Variants in SLC12A1 observed in about 807,000 individuals in gnomAD.
SLC12A1 encodes the protein solute carrier family 12 member 1.
Under a neutral mutation model 130.4 loss-of-function variants are expected in SLC12A1, and 89 were observed. The observed-to-expected ratio is 0.68, with a 90% CI of 0.58 to 0.81. SLC12A1 has a LOEUF of 0.81. Ranked by LOEUF, SLC12A1 falls within the 40% of genes least tolerant of loss-of-function variation. SLC12A1 has a pLI of 0.00. For synonymous variants in SLC12A1, 499 were observed against 460.0 expected (o/e 1.08, Z -1.09); for missense variants, 1,310 against 1,336.4 (o/e 0.98, Z 0.31).
intron 4 of SLC12A1, chr15:48,221,210 G>A: frequency 1.5e-6 from 1 of 662,744 alleles, no homozygotes. Context: ...TGCCAAACAG[G>A]TGAATGCTCA....
In SLC12A1 at chr15:48,258,188, C is replaced by T. The variant is rs1169618492; in HGVS notation, c.2043-1012C>T. On this transcript the variant is annotated intron_variant, in intron 16 of 26. Coordinates refer to ENST00000380993, the MANE Select transcript of SLC12A1 (RefSeq NM_000338.3). ...CATCCCGGCTAAAACGGTGAAACCC[C>T]GTCTCTACTAAAAATACAAAAAATT... 5.7e-5 allele frequency among the ~76,000 whole-genome samples: 5 copies of T among 87,032 alleles called. 1 individual carries two copies. Among genetic ancestry groups the T allele is most frequent in the African/African-American group, 2.3e-4 (2 of 8,678 alleles). 57.1% of individuals were successfully genotyped at this position (87,032 alleles called of 152,430 possible). A position where few individuals can be genotyped will look rare whatever the true frequency, so the allele number is the denominator to read the frequency against.
At chr15:48,255,938 T>C in intron 16 of SLC12A1, 28 bp downstream of exon 16, 1 of 1,413,790 alleles carries the variant, frequency 7.1e-7, no homozygotes, top group Non-Finnish European at 9.8e-7. Flanking sequence ...GGCATCCTGG[T>C]GTTTTTCCAC....
chr15:48,282,208 C>T (rs2042014918), intron 20 of SLC12A1, among the ~76,000 whole-genome samples: 1 of 152,150 alleles, frequency 6.6e-6, no homozygotes, highest in African/African-American at 2.4e-5. Flanking sequence ...AGAATAAATA[C>T]TCTCTGTAAT....
At chr15:48,274,950 C>A (rs1011017861) in intron 20 of SLC12A1, among the ~76,000 whole-genome samples, 7 of 152,142 alleles carry the variant, frequency 4.6e-5, no homozygotes, top group East Asian at 1.9e-4. Context: ...GGTAAAATAA[C>A]CTGCCAAATT....
At chr15:48,209,551 TGAG>T (rs2041027098) in intron 2 of SLC12A1, among the ~76,000 whole-genome samples, 1 of 152,224 alleles carries the variant, frequency 6.6e-6, no homozygotes, top group Non-Finnish European at 1.5e-5. Context: ...GCCCAAGTTT[TGAG>T]GAGAAGAAAA....
chr15:48,233,005 T>C (rs542364135), intron 8 of SLC12A1, among the ~76,000 whole-genome samples, 167 bp downstream of exon 8: 39 of 152,270 alleles, frequency 2.6e-4, no homozygotes, highest in African/African-American at 8.4e-4. Context: ...GGAAACATAA[T>C]AGAGGCAAAA....
chr15:48,301,226 A>AT, intron 25 of SLC12A1, 89 bp from the exon 26 acceptor site: 1 of 904,124 alleles, frequency 1.1e-6, no homozygotes, highest in South Asian at 1.5e-5. Context: ...TTAAGATGAG[A>AT]TTTTCTGCTT....
chr15:48,299,881 A>T (rs1002644581), intron 25 of SLC12A1, among the ~76,000 whole-genome samples: 1 of 152,210 alleles, frequency 6.6e-6, no homozygotes, highest in Admixed American at 6.5e-5. Flanking sequence ...GGGGGTCAAC[A>T]ACTAAGTAGA....
In SLC12A1 at chr15:48,207,946, G is replaced by C; in HGVS notation, c.227G>C (p.Ser76Thr). 1 of 1,614,016 alleles carries C rather than the reference G, an allele frequency of 6.2e-7. No individual in the cohort carries two copies. Among genetic ancestry groups the C allele is most frequent in the South Asian group, 1.1e-5 (1 of 91,084 alleles). The change falls in exon 2 of 27, where the codon AGT (serine) becomes ACT (threonine). Residue 76 changes from serine to threonine, a missense_variant. Coordinates refer to ENST00000380993, the MANE Select transcript of SLC12A1 (RefSeq NM_000338.3). Reference protein sequence around the residue: ...NQECYDNFLQSGETAKTDASF... With the variant: ...NQECYDNFLQTGETAKTDASF... ...GAGTGCTATGACAATTTCCTCCAAA[G>C]TGGAGAAACTGCTAAAACAGATGCC... is the stretch of plus-strand genomic sequence containing the variant.
chr15:48,284,229 G>C (rs1215445746), intron 20 of SLC12A1, among the ~76,000 whole-genome samples: 1 of 152,180 alleles, frequency 6.6e-6, no homozygotes, highest in Non-Finnish European at 1.5e-5. Flanking sequence ...TTTGCTTATT[G>C]AAAGGAATTG....
intron 7 of SLC12A1, among the ~76,000 whole-genome samples, chr15:48,232,482 A>T (rs538944122): frequency 6.6e-6 from 1 of 152,362 alleles, no homozygotes; most frequent in East Asian, 1.9e-4. Flanking sequence ...AGAATGTTAC[A>T]GAAATGTCAC....
intron 20 of SLC12A1, among the ~76,000 whole-genome samples, chr15:48,283,465 T>G (rs565897580): frequency 6.6e-6 from 1 of 152,304 alleles, no homozygotes; most frequent in Admixed American, 6.5e-5. Flanking sequence ...TTTCTCAGAT[T>G]TTCTATAGCT....
chr15:48,207,788 T>A lies in SLC12A1; in HGVS notation c.69T>A (p.Val23=). Residue 23 remains valine (V), a synonymous_variant, in exon 2 of 27, where the codon GTT becomes GTA. Transcript: ENST00000380993. Reference sequence around the variant, plus strand: ...CCAGTAATACCAATCGCTTTCAAGTTAGTGTCATAAATGAGAACCATGAGA... The same window carrying A: ...CCAGTAATACCAATCGCTTTCAAGTAAGTGTCATAAATGAGAACCATGAGA... The part of the protein sequence containing the change: ...SVPSNTNRFQ[V]SVINENHESS... 1 of 1,613,556 alleles carries A rather than the reference T, an allele frequency of 6.2e-7. No homozygotes were observed. The highest frequency in any genetic ancestry group is 8.5e-7 in the Non-Finnish European group (1 of 1,179,708).
At chr15:48,236,988 C>A (rs1239116524) in intron 9 of SLC12A1, 1 of 702,314 alleles carries the variant, frequency 1.4e-6, no homozygotes, top group Admixed American at 2.0e-5. Context: ...TCACACCAGG[C>A]ACTGAGGAAA....
chr15:48,289,394 C>CATATATATAT (rs10609887), intron 23 of SLC12A1, among the ~76,000 whole-genome samples: 29 of 112,852 alleles, frequency 2.6e-4, no homozygotes, highest in South Asian at 8.5e-4. Context: ...GTGAATGTGA[C>CATATATATAT]ATATATATAT....
chr15:48,235,267 T>C (rs944871258), intron 9 of SLC12A1: 5 of 428,752 alleles, frequency 1.2e-5, no homozygotes, highest in Non-Finnish European at 2.1e-5. Context: ...CCAAAATAAA[T>C]GTAGTTCAGT....
At chr15:48,238,418 G>A (rs1050301208) in intron 9 of SLC12A1, among the ~76,000 whole-genome samples, 10 of 152,172 alleles carry the variant, frequency 6.6e-5, no homozygotes. Context: ...GTTTGAGGCA[G>A]CGTTCAGGCA....
At chr15:48,259,861 CTAA>C (rs1416171931) in intron 17 of SLC12A1, among the ~76,000 whole-genome samples, 1 of 152,152 alleles carries the variant, frequency 6.6e-6, no homozygotes, top group East Asian at 1.9e-4. Context: ...ACATGGTAGA[CTAA>C]TAATAACTTA....
At chr15:48,271,412 G>A (rs2041897240) in intron 19 of SLC12A1, among the ~76,000 whole-genome samples, 1 of 152,130 alleles carries the variant, frequency 6.6e-6, no homozygotes, top group African/African-American at 2.4e-5. Context: ...GAGAGATACA[G>A]CTGCACTTCA....
Sources: allele counts gnomAD v4.1 joint callset (sites outside exome capture counted in the v4.1 genomes callset), GRCh38; gene constraint gnomAD v4.1.1; transcripts MANE v1.5; gene names NCBI Gene and HGNC (gene_info 2026-07-23, HGNC 2026-07-21).